The following ULK4 variants were observed in gnomAD, a reference collection of about 807,000 sequenced individuals.
ULK4 encodes inactive serine/threonine-protein kinase ULK4.
Under a neutral mutation model 160.6 loss-of-function variants are expected in ULK4, and 133 were observed. The observed-to-expected ratio is 0.83, with a 90% CI of 0.72 to 0.96. The LOEUF (loss-of-function observed/expected upper bound fraction) is 0.96. Ranked by LOEUF, ULK4 falls within the 40% of genes least tolerant of loss-of-function variation. The pLI, the probability that ULK4 is intolerant of heterozygous loss-of-function variation, is 0.00. For synonymous variants in ULK4, 534 were observed against 539.8 expected (o/e 0.99, Z 0.15); for missense variants, 1,580 against 1,499.5 (o/e 1.05, Z -0.89).
At chr3:41,885,781 C>T (rs4973991) in intron 16 of ULK4, among the ~76,000 whole-genome samples, 104,647 of 151,804 alleles carry the variant, frequency 0.69, 39,409 homozygotes, top group East Asian at 0.83. Context: ...CAGGCTCAAG[C>T]AATCCTCCCA....
At chr3:41,804,545 G>A (rs1312684422) in intron 19 of ULK4, among the ~76,000 whole-genome samples, 1 of 150,856 alleles carries the variant, frequency 6.6e-6, no homozygotes, top group African/African-American at 2.4e-5. Flanking sequence ...TTTTAGACAT[G>A]AAGTCCTTGC....
intron 21 of ULK4, among the ~76,000 whole-genome samples, chr3:41,784,779 A>C (rs1344761311): frequency 6.6e-6 from 1 of 152,252 alleles, no homozygotes; most frequent in Admixed American, 6.5e-5. Flanking sequence ...TTCAATACAT[A>C]AACATCCACT....
At chr3:41,774,631 T>G (rs879637758) in intron 21 of ULK4, among the ~76,000 whole-genome samples, 4 of 149,872 alleles carry the variant, frequency 2.7e-5, no homozygotes, top group Admixed American at 2.6e-4. Context: ...GGTGGGACTG[T>G]AAACTAGTTC....
At chr3:41,317,280 T>A (rs1380993054) in intron 35 of ULK4, among the ~76,000 whole-genome samples, 1 of 152,024 alleles carries the variant, frequency 6.6e-6, no homozygotes, top group Non-Finnish European at 1.5e-5. Context: ...TTTCACCTTG[T>A]TAGCCAGGAT....
chr3:41,729,051 A>G (rs1239080426), intron 22 of ULK4, among the ~76,000 whole-genome samples: 1 of 152,184 alleles, frequency 6.6e-6, no homozygotes, highest in Non-Finnish European at 1.5e-5. Flanking sequence ...GACCAAAACA[A>G]TGAATAAATA....
Position 41,246,914 on chromosome 3 carries a change from T to TG in ULK4, c.*14_*15insC. 6.2e-7 allele frequency: 1 copy of TG among 1,613,092 alleles called. No homozygotes were observed. The highest frequency in any genetic ancestry group is 8.5e-7 in the Non-Finnish European group (1 of 1,179,716). Reference sequence around the variant, plus strand: ...CTGGGGCCACAGGGCGGGCTTGTGCTAAGCACCTTCTTGCCTAGTGCCCAA... The same window carrying TG: ...CTGGGGCCACAGGGCGGGCTTGTGCTGAAGCACCTTCTTGCCTAGTGCCCAA... On this transcript the variant is annotated 3_prime_UTR_variant, in exon 37 of 37. Transcript: ENST00000301831.
At chr3:41,378,697 G>A (rs1018681487) in intron 35 of ULK4, among the ~76,000 whole-genome samples, 5 of 151,522 alleles carry the variant, frequency 3.3e-5, no homozygotes, top group Admixed American at 2.0e-4. Flanking sequence ...GAGTTAATGG[G>A]TGTAGCACAC....
intron 32 of ULK4, among the ~76,000 whole-genome samples, chr3:41,480,023 C>G (rs149426904): frequency 2.0e-5 from 3 of 151,854 alleles, no homozygotes; most frequent in African/African-American, 7.3e-5. Context: ...CTGGCTAACA[C>G]GATGAAACCT....
chr3:41,703,659 A>T (rs1478440019), intron 27 of ULK4, among the ~76,000 whole-genome samples: 1 of 152,148 alleles, frequency 6.6e-6, no homozygotes, highest in East Asian at 1.9e-4. Flanking sequence ...TACAACAATC[A>T]AAGAACAAAG....
intron 20 of ULK4, among the ~76,000 whole-genome samples, chr3:41,799,765 A>G (rs2040401547): frequency 6.6e-6 from 1 of 152,178 alleles, no homozygotes; most frequent in Non-Finnish European, 1.5e-5. Flanking sequence ...TGGGAGGCTG[A>G]CGCAGTAGAA....
chr3:41,433,312 G>A (rs1350080486), intron 34 of ULK4, among the ~76,000 whole-genome samples: 3 of 152,116 alleles, frequency 2.0e-5, no homozygotes, highest in Non-Finnish European at 4.4e-5. Context: ...GTGTCAGAAT[G>A]GCAAAATGTT....
intron 21 of ULK4, among the ~76,000 whole-genome samples, chr3:41,788,607 G>A (rs1328730408): frequency 3.3e-5 from 5 of 151,784 alleles, no homozygotes; most frequent in South Asian, 4.2e-4. Flanking sequence ...AGAGAACAGC[G>A]TGAACCCAGG....
At chr3:41,954,832 T>A in intron 1 of ULK4, 25 bp from the exon 2 acceptor site, 1 of 1,428,238 alleles carries the variant, frequency 7.0e-7, no homozygotes, top group Non-Finnish European at 9.5e-7. Context: ...AAAATGACAT[T>A]GATAAATGCA....
At chr3:41,507,767 G>A (rs549009521) in intron 32 of ULK4, among the ~76,000 whole-genome samples, 10 of 152,080 alleles carry the variant, frequency 6.6e-5, no homozygotes, top group East Asian at 1.9e-4. Context: ...ATTTCAAAAC[G>A]GACTCCACTC....
At chr3:41,247,789 C>T (rs534329341) in intron 36 of ULK4, among the ~76,000 whole-genome samples, 1 of 152,336 alleles carries the variant, frequency 6.6e-6, no homozygotes, top group Non-Finnish European at 1.5e-5. Flanking sequence ...GCTGCGCCCC[C>T]GCACACAGCA....
intron 32 of ULK4, among the ~76,000 whole-genome samples, chr3:41,509,866 A>AC (rs1340640713): frequency 6.6e-6 from 1 of 152,182 alleles, no homozygotes; most frequent in Non-Finnish European, 1.5e-5. Flanking sequence ...CCAAAATAGA[A>AC]CCTTTTTAAT....
rs1441047495 is a variant in ULK4, at chr3:41,612,017, A to T, written c.3120+3652T>A. ...TCAAAAATATTCAGAAAAAAAAATA[A>T]AAATAACAATACAAGAAAAAGTAAC... On this transcript the variant is annotated intron_variant, in intron 31 of 36. Coordinates refer to ENST00000301831, the MANE Select transcript of ULK4 (RefSeq NM_017886.4). 2.0e-5 allele frequency among the ~76,000 whole-genome samples: 3 copies of T among 152,292 alleles called. No homozygotes were observed. The East Asian group carries it at 5.8e-4, about 29-fold the overall frequency.
chr3:41,760,145 A>T (rs775943316), intron 21 of ULK4, among the ~76,000 whole-genome samples: 1 of 152,188 alleles, frequency 6.6e-6, no homozygotes, highest in Admixed American at 6.5e-5. Context: ...ACATTTCACT[A>T]AAGAAAATAT....
intron 13 of ULK4, among the ~76,000 whole-genome samples, chr3:41,900,513 C>A (rs1698313301): frequency 6.6e-6 from 1 of 152,140 alleles, no homozygotes; most frequent in Non-Finnish European, 1.5e-5. Context: ...GGGGAGAAAA[C>A]TTAGAACTCC....
Sources: allele counts gnomAD v4.1 joint callset (sites outside exome capture counted in the v4.1 genomes callset), GRCh38; gene constraint gnomAD v4.1.1; transcripts MANE v1.5; gene names NCBI Gene and HGNC (gene_info 2026-07-23, HGNC 2026-07-21).